The following PTBP3 variants were observed in gnomAD, a reference collection of about 807,000 sequenced individuals.
The protein encoded by PTBP3 is polypyrimidine tract binding protein 3.
In PTBP3, 20 loss-of-function variants were observed where a neutral mutation model predicts 58.7. That is an observed-to-expected ratio of 0.34 (90% confidence interval 0.24 to 0.50). The LOEUF (loss-of-function observed/expected upper bound fraction) is 0.50, where lower values mean the gene tolerates loss of function less well. Among genes scored for constraint, PTBP3 ranks in the 20% least tolerant of loss-of-function variants. The probability of loss-of-function intolerance (pLI) is 0.98; values close to 1 mark genes in which losing one functional copy is unlikely to be tolerated. For missense variants in PTBP3, 509 were observed against 637.2 expected (o/e 0.80, Z 2.17); for synonymous variants, 185 against 219.8 (o/e 0.84, Z 1.40).
rs200773891 is a variant in PTBP3, at chr9:112,224,173, T to C, written c.1402A>G (p.Ile468Val). 195 of 1,572,326 alleles carry C rather than the reference T, an allele frequency of 1.2e-4. 3 individuals carry two copies. In the East Asian group the frequency reaches 4.1e-3, roughly 33 times the overall value. The change falls in exon 13 of 14, where the codon ATA (isoleucine) becomes GTA (valine). Residue 468 changes from isoleucine to valine, a missense_variant. By Grantham distance (29) the Ile-to-Val change is conservative. This residue lies in a region of PTBP3 where 135 missense variants were observed against 229.0 expected (regional missense o/e 0.59). Transcript: ENST00000374257. ...GCCTTCACTGAACATCCAGCTTCTATGAAAAGGTTCTTCAGATCATCCACT... is the reference window on the plus strand; with the variant it reads ...GCCTTCACTGAACATCCAGCTTCTACGAAAAGGTTCTTCAGATCATCCACT... ...VTVDDLKNLFIEAGCSVKAFK... is the reference protein window; with the variant it reads ...VTVDDLKNLFVEAGCSVKAFK...
the PTBP3 span, among the ~76,000 whole-genome samples, chr9:112,350,258 C>T: frequency 6.6e-4 from 101 of 152,170 alleles, 1 homozygote; most frequent in Admixed American, 6.5e-3. Context: ...TAAAAGACTA[C>T]ACATTGGGTT....
chr9:112,333,813 T>G, upstream of PTBP3: 14 of 204,538 alleles, frequency 6.8e-5, no homozygotes, highest in Middle Eastern at 1.7e-3. Context: ...GGGCGCCCTC[T>G]TCCCGCGGTC....
chr9:112,362,575 T>C, the PTBP3 span: 1 of 153,960 alleles, frequency 6.5e-6, no homozygotes, highest in Admixed American at 6.5e-5. Flanking sequence ...GTGTCATATT[T>C]AAGAATCCAT....
At chr9:112,227,841 A>G (rs949595715) in intron 11 of PTBP3, among the ~76,000 whole-genome samples, 1 of 152,214 alleles carries the variant, frequency 6.6e-6, no homozygotes, top group Non-Finnish European at 1.5e-5. Context: ...CAAACAAAAA[A>G]TATTTTCTGA....
the PTBP3 span, among the ~76,000 whole-genome samples, chr9:112,373,255 C>T: frequency 1.3e-4 from 20 of 152,086 alleles, no homozygotes; most frequent in African/African-American, 4.6e-4. Context: ...AAGCCATGTA[C>T]AAGCTGAGGA....
the PTBP3 span, among the ~76,000 whole-genome samples, chr9:112,347,648 T>A: frequency 7.2e-5 from 11 of 152,286 alleles, no homozygotes; most frequent in East Asian, 2.1e-3. Context: ...ATTTTTATAA[T>A]GTTAATAATC....
chr9:112,272,079 A>AT (rs796393403), intron 3 of PTBP3, among the ~76,000 whole-genome samples: 30 of 146,944 alleles, frequency 2.0e-4, no homozygotes, highest in African/African-American at 3.1e-4. Context: ...TTTATTTTTT[A>AT]TTTTTTTTTT....
At chr9:112,332,998 C>T in intron 1 of PTBP3, 1 of 1,290,352 alleles carries the variant, frequency 7.7e-7, no homozygotes, top group Non-Finnish European at 9.8e-7. Context: ...CCGACGCGTG[C>T]ACCCGCCGTC....
intron 7 of PTBP3, among the ~76,000 whole-genome samples, chr9:112,243,615 T>C (rs942487102): frequency 6.6e-6 from 1 of 152,186 alleles, no homozygotes; most frequent in African/African-American, 2.4e-5. Flanking sequence ...TATGACTATG[T>C]GTACTGAAAT....
rs532538415 is a variant in PTBP3, at chr9:112,221,769, A to C, written c.*2082T>G. ...CTATTCTACCAACTAAGTGTTGCTC[A>C]GTGGTGAGTGAATTCTGCTTTTTAA... On this transcript the variant is annotated 3_prime_UTR_variant, in exon 14 of 14. Transcript: ENST00000374257. 1 of 985,320 alleles carries C rather than the reference A, an allele frequency of 1.0e-6. No individual in the cohort carries two copies. Among genetic ancestry groups the C allele is most frequent in the South Asian group, 4.7e-5 (1 of 21,282 alleles). 61.0% of individuals were successfully genotyped at this position (985,320 alleles called of 1,614,324 possible). A position where few individuals can be genotyped will look rare whatever the true frequency, so the allele number is the denominator to read the frequency against.
chr9:112,328,417 T>C (rs1830239456), intron 1 of PTBP3, among the ~76,000 whole-genome samples: 1 of 152,244 alleles, frequency 6.6e-6, no homozygotes, highest in South Asian at 2.1e-4. Context: ...GCTTATCTTC[T>C]CTTCAGAGTA....
At chr9:112,332,685 A>G in intron 1 of PTBP3, 4 of 1,450,784 alleles carry the variant, frequency 2.8e-6, no homozygotes, top group Non-Finnish European at 3.7e-6. Context: ...GTTTATATAC[A>G]TAGACTCTAA....
chr9:112,225,516 A>T (rs1834950505), intron 12 of PTBP3, among the ~76,000 whole-genome samples: 1 of 152,192 alleles, frequency 6.6e-6, no homozygotes, highest in Non-Finnish European at 1.5e-5. Flanking sequence ...GTGTAAAGCA[A>T]TTAATGTGAA....
At chr9:112,312,488 G>T (rs114338051) in intron 1 of PTBP3, among the ~76,000 whole-genome samples, 908 of 75,576 alleles carry the variant, frequency 0.012, no homozygotes, top group Middle Eastern at 0.019. Context: ...TTTTTTTTTT[G>T]TTTTTTTTTT....
At chr9:112,293,732 G>A (rs1478774035) in intron 2 of PTBP3, among the ~76,000 whole-genome samples, 2 of 152,128 alleles carry the variant, frequency 1.3e-5, no homozygotes, top group African/African-American at 2.4e-5. Flanking sequence ...GGCCCAAGAT[G>A]GAGGAAAAAG....
chr9:112,291,684 A>G (rs1373336357), intron 2 of PTBP3, among the ~76,000 whole-genome samples: 1 of 152,152 alleles, frequency 6.6e-6, no homozygotes, highest in Non-Finnish European at 1.5e-5. Flanking sequence ...ATGAAATTGG[A>G]CTCTTACTTT....
chr9:112,297,940 G>C, intron 1 of PTBP3, 24 bp from the exon 2 acceptor site: 1 of 1,568,768 alleles, frequency 6.4e-7, no homozygotes, highest in Non-Finnish European at 8.7e-7. Flanking sequence ...CCAATGTTTG[G>C]TTAATAAACC....
At chr9:112,356,982 C>A in the PTBP3 span, among the ~76,000 whole-genome samples, 7 of 142,324 alleles carry the variant, frequency 4.9e-5, no homozygotes, top group South Asian at 4.6e-4. Flanking sequence ...CAGGTTCAAG[C>A]GATTCTCCTG....
chr9:112,247,435 A>G (rs1481441221), intron 7 of PTBP3, among the ~76,000 whole-genome samples: 2 of 151,594 alleles, frequency 1.3e-5, no homozygotes, highest in African/African-American at 4.8e-5. Context: ...CTGTCATAAA[A>G]GACATTATTT....
Sources: allele counts gnomAD v4.1 joint callset (sites outside exome capture counted in the v4.1 genomes callset), GRCh38; gene constraint gnomAD v4.1.1; regional missense constraint gnomAD v4.1.1; transcripts MANE v1.5; gene names NCBI Gene and HGNC (gene_info 2026-07-23, HGNC 2026-07-21).